TNS1: variants seen among roughly 807,000 people sequenced by gnomAD.
The protein encoded by TNS1 is tensin 1.
TNS1 carries 62 observed loss-of-function variants against 168.6 expected under a neutral mutation model. The ratio of observed to expected loss-of-function variants is 0.37; its 90% CI spans 0.30 to 0.45. The LOEUF (loss-of-function observed/expected upper bound fraction) is 0.45, where lower values mean the gene tolerates loss of function less well. Ranked by LOEUF, TNS1 falls within the 20% of genes least tolerant of loss-of-function variation. TNS1 has a pLI of 1.00. For synonymous variants in TNS1, 934 were observed against 933.2 expected, an observed-to-expected ratio of 1.00 and a Z score of -0.02; for missense variants, 2,240 against 2,339.4, an observed-to-expected ratio of 0.96 and a Z score of 0.88.
At chr2:217,849,699 C>T (rs548529584) in intron 18 of TNS1, 14 of 985,332 alleles carry the variant, frequency 1.4e-5, no homozygotes, top group Non-Finnish European at 1.6e-5. Flanking sequence ...GTCTGGAGTT[C>T]CCACTCTGGA....
intron 3 of TNS1, among the ~76,000 whole-genome samples, chr2:217,970,964 A>C (rs1199625450): frequency 6.6e-6 from 1 of 152,158 alleles, no homozygotes; most frequent in Non-Finnish European, 1.5e-5. Flanking sequence ...TATTAAATAC[A>C]TGGGATTGTG....
At chr2:217,839,977 G>A (rs1019994433) in intron 19 of TNS1, among the ~76,000 whole-genome samples, 1 of 152,202 alleles carries the variant, frequency 6.6e-6, no homozygotes, top group African/African-American at 2.4e-5. Flanking sequence ...CCCAGAACCT[G>A]CCCCTACCCA....
intron 18 of TNS1, among the ~76,000 whole-genome samples, chr2:217,853,091 C>G (rs1328637120): frequency 6.6e-6 from 1 of 152,146 alleles, no homozygotes; most frequent in Non-Finnish European, 1.5e-5. Flanking sequence ...CACACACACT[C>G]TCATCATTCC....
At chr2:217,859,848 A>G (rs1948619139) in intron 18 of TNS1, 19 of 623,232 alleles carry the variant, frequency 3.0e-5, no homozygotes, top group South Asian at 1.8e-4. Context: ...TGTGCCCTGG[A>G]AAGTGCCAGG....
chr2:218,027,891 G>T (rs1005925970), intron 1 of TNS1, among the ~76,000 whole-genome samples: 5 of 152,172 alleles, frequency 3.3e-5, no homozygotes, highest in Non-Finnish European at 5.9e-5. Flanking sequence ...ACTGCAGGCT[G>T]GGCCAGAGGA....
At chr2:217,930,434 GC>G (rs1956260569) in intron 3 of TNS1, among the ~76,000 whole-genome samples, 2 of 152,174 alleles carry the variant, frequency 1.3e-5, no homozygotes, top group Admixed American at 6.5e-5. Context: ...AGTTGGCTGT[GC>G]CCAGGGCACA....
rs1017237544 is a variant in TNS1 at position 217,830,250 on chromosome 2, C to A, written c.3373+1205G>T. The A allele has an allele frequency of 2.2e-6, 3 of 1,339,042 alleles. No homozygotes were observed. The African/African-American group carries it at 4.3e-5, about 19-fold the overall frequency. The allele number at this position is 1,339,042 out of a possible 1,614,324, so 82.9% of individuals were successfully genotyped here. A position where few individuals can be genotyped will look rare whatever the true frequency, so the allele number is the denominator to read the frequency against. On this transcript the variant is annotated intron_variant, in intron 22 of 32. Transcript: ENST00000682258. ...TGGCTGGTGAGAGGCAGCCCCCAGC[C>A]CCCTTCTACTGATCCCCCGTGGCTC...
intron 2 of TNS1, among the ~76,000 whole-genome samples, chr2:217,983,264 C>T (rs917699968): frequency 6.6e-6 from 1 of 152,204 alleles, no homozygotes; most frequent in African/African-American, 2.4e-5. Context: ...ATACACATGT[C>T]AGGATGGGCC....
At chr2:217,859,852 T>C (rs1450634968) in intron 18 of TNS1, among the ~76,000 whole-genome samples, 1 of 152,118 alleles carries the variant, frequency 6.6e-6, no homozygotes, top group African/African-American at 2.4e-5. Flanking sequence ...CCCTGGAAAG[T>C]GCCAGGAGTC....
Position 218,033,925 on chromosome 2 carries a change from T to C in TNS1, c.51A>G (p.Pro17=), listed in dbSNP as rs1433844616. Residue 17 remains proline, a synonymous_variant, in exon 1 of 2, where the codon CCA becomes CCG. Transcript: ENST00000649572. The surrounding 1 kb of genome is among the most constrained non-coding windows in gnomAD (Gnocchi z 4.3). ...TCCCCGGGGGCTGGGGACCGCAGAGTGGTCCGGGCCGCAGCTCTTCGCAGC... is the reference window on the plus strand; with the variant it reads ...TCCCCGGGGGCTGGGGACCGCAGAGCGGTCCGGGCCGCAGCTCTTCGCAGC... 6.6e-6 allele frequency among the ~76,000 whole-genome samples: 1 copy of C among 151,596 alleles called. No individual in the cohort carries two copies. Among genetic ancestry groups the C allele is most frequent in the East Asian group, 1.9e-4 (1 of 5,138 alleles).
upstream of TNS1, among the ~76,000 whole-genome samples, chr2:218,015,200 G>T (rs1004615130): frequency 1.5e-4 from 23 of 152,076 alleles, no homozygotes; most frequent in Non-Finnish European, 7.4e-5. Flanking sequence ...TTTACATGAG[G>T]ACACTGAGGC....
intron 24 of TNS1, 37 bp from the exon 25 acceptor site, chr2:217,815,035 A>G: frequency 6.4e-7 from 1 of 1,555,362 alleles, no homozygotes; most frequent in Non-Finnish European, 8.8e-7. Flanking sequence ...TTATGGGTTA[A>G]ATTGTGTTCA....
intron 3 of TNS1, among the ~76,000 whole-genome samples, chr2:217,956,538 T>G (rs1957367704): frequency 6.6e-6 from 1 of 152,176 alleles, no homozygotes; most frequent in African/African-American, 2.4e-5. Flanking sequence ...GAAAGTCCTG[T>G]GGGATCCTGG....
chr2:217,870,270 C>G (rs1386750177), intron 18 of TNS1, among the ~76,000 whole-genome samples: 1 of 152,178 alleles, frequency 6.6e-6, no homozygotes, highest in Non-Finnish European at 1.5e-5. Context: ...ACCCCTACCC[C>G]GTCTCCAGAC....
chr2:217,968,695 G>A (rs1031357449), intron 3 of TNS1, among the ~76,000 whole-genome samples: 2 of 152,060 alleles, frequency 1.3e-5, no homozygotes, highest in African/African-American at 4.8e-5. Context: ...GTTTTTTGGT[G>A]TTTTTTGTTT....
intron 19 of TNS1, among the ~76,000 whole-genome samples, chr2:217,844,158 G>T (rs993410012): frequency 6.6e-6 from 1 of 152,042 alleles, no homozygotes; most frequent in African/African-American, 2.4e-5. Flanking sequence ...AAGTGCATTG[G>T]TTCTACCCCC....
chr2:217,932,904 G>T (rs1332321242), intron 3 of TNS1, among the ~76,000 whole-genome samples: 3 of 152,166 alleles, frequency 2.0e-5, no homozygotes, highest in Non-Finnish European at 4.4e-5. Flanking sequence ...CAATTAGCGC[G>T]CATCGGGGAC....
chr2:217,949,301 C>G (rs371757667), intron 3 of TNS1, among the ~76,000 whole-genome samples: 8 of 152,244 alleles, frequency 5.3e-5, no homozygotes, highest in African/African-American at 1.9e-4. Context: ...CCTGTCTCCC[C>G]TGAGAAGCAT....
intron 23 of TNS1, among the ~76,000 whole-genome samples, chr2:217,819,790 AC>A (rs765449201): frequency 6.6e-6 from 1 of 152,120 alleles, no homozygotes; most frequent in Admixed American, 6.5e-5. Flanking sequence ...CCTTACATAA[AC>A]TAGTATGTAG....
Sources: allele counts gnomAD v4.1 joint callset (sites outside exome capture counted in the v4.1 genomes callset), GRCh38; gene constraint gnomAD v4.1.1; non-coding constraint Gnocchi (gnomAD v3.1); transcripts MANE v1.5; gene names NCBI Gene and HGNC (gene_info 2026-07-23, HGNC 2026-07-21).